The following ABL2 variants were observed in gnomAD, a reference collection of about 807,000 sequenced individuals.
ABL2 encodes tyrosine-protein kinase ABL2.
ABL2 carries 49 observed loss-of-function variants against 107.7 expected under a neutral mutation model. The ratio of observed to expected loss-of-function variants is 0.45; its 90% CI spans 0.36 to 0.58. The LOEUF is 0.58. ABL2 is among the 20% of genes least tolerant of loss of function. ABL2 has a pLI of 0.00. For synonymous variants in ABL2, 549 were observed against 548.6 expected, an observed-to-expected ratio of 1.00 and a Z score of -0.01; for missense variants, 1,245 against 1,457.0, an observed-to-expected ratio of 0.85 and a Z score of 2.37.
chr1:179,109,391 T>C lies in ABL2; in HGVS notation c.1876A>G (p.Lys626Glu). 8 of 1,614,008 alleles carry C rather than the reference T, an allele frequency of 5.0e-6. No individual in the cohort carries two copies. Among genetic ancestry groups the C allele is most frequent in the Non-Finnish European group, 5.9e-6 (7 of 1,180,002 alleles). ...ASSGSPALPR[K>E]QRDKSPSSLL... ...CTGCTGGGTGACTTGTCTCTTTGCTTTCGAGGCAGTGCTGGGGATCCACTA... is the reference window on the plus strand; with the variant it reads ...CTGCTGGGTGACTTGTCTCTTTGCTCTCGAGGCAGTGCTGGGGATCCACTA... The change falls in exon 12 of 12, where the codon AAG (lysine) becomes GAG (glutamate). Residue 626 changes from lysine to glutamate, a missense_variant. Transcript: ENST00000502732.
Position 179,218,109 on chromosome 1 carries a change from T to G in ABL2, c.157+11132A>C, listed in dbSNP as rs144968614. ...AAATGGCAATTATTTCATTACCCAATTCTTCCAGGAACTGTAGCCCAATCT... is the reference window on the plus strand; with the variant it reads ...AAATGGCAATTATTTCATTACCCAAGTCTTCCAGGAACTGTAGCCCAATCT... On this transcript the variant is annotated intron_variant, in intron 1 of 11. Coordinates refer to ENST00000502732, the MANE Select transcript of ABL2 (RefSeq NM_007314.4). Among the ~76,000 whole-genome samples the G allele has an allele frequency of 5.3e-3, 810 of 152,322 alleles. 7 individuals carry two copies. The highest frequency in any genetic ancestry group is 0.018 in the African/African-American group (767 of 41,568).
chr1:179,223,631 C>G (rs2124868923), intron 1 of ABL2, among the ~76,000 whole-genome samples: 1 of 151,910 alleles, frequency 6.6e-6, no homozygotes, highest in South Asian at 2.1e-4. Flanking sequence ...TAATAAAAAT[C>G]TAACAGCTGA....
intron 6 of ABL2, among the ~76,000 whole-genome samples, chr1:179,119,689 G>T (rs1655000170): frequency 6.6e-6 from 1 of 152,104 alleles, no homozygotes. Flanking sequence ...AAACTGAGGG[G>T]TGTGGTCACA....
rs1422152876 is a variant in ABL2, at chr1:179,107,110, C to T, written c.*608G>A. On this transcript the variant is annotated 3_prime_UTR_variant, in exon 12 of 12. Transcript: ENST00000502732. ...TTTACTTCCTGCACTAACTGATACA[C>T]CAGCGGAAAATAGGACAGAGGCATT... 3 of 231,180 alleles carry T rather than the reference C, an allele frequency of 1.3e-5. No homozygotes were observed. Among genetic ancestry groups the T allele is most frequent in the Non-Finnish European group, 2.6e-5 (3 of 116,844 alleles). The allele number at this position is 231,180 out of a possible 1,614,324, so 14.3% of individuals were successfully genotyped here.
At chr1:179,167,719 T>TA (rs1557969803) in intron 1 of ABL2, among the ~76,000 whole-genome samples, 1 of 152,152 alleles carries the variant, frequency 6.6e-6, no homozygotes, top group Non-Finnish European at 1.5e-5. Flanking sequence ...AACATTTTTT[T>TA]AAAAACAGAA....
At chr1:179,178,453 A>T (rs1396352740) in intron 1 of ABL2, among the ~76,000 whole-genome samples, 1 of 151,360 alleles carries the variant, frequency 6.6e-6, no homozygotes, top group African/African-American at 2.4e-5. Context: ...GAGTATGCAG[A>T]TTCATGCTCC....
At chr1:179,206,763 G>C (rs2102857374) in intron 1 of ABL2, among the ~76,000 whole-genome samples, 1 of 152,232 alleles carries the variant, frequency 6.6e-6, no homozygotes, top group African/African-American at 2.4e-5. Flanking sequence ...TAAATGTACT[G>C]ACCCTTCAAT....
In ABL2 at chr1:179,229,459, G is replaced by C. The variant is rs1663430553; in HGVS notation, c.-62C>G. 5 of 1,415,254 alleles carry C rather than the reference G, an allele frequency of 3.5e-6. No individual in the cohort carries two copies. The Admixed American group carries it at 1.5e-4, about 41-fold the overall frequency. 87.7% of individuals were successfully genotyped at this position (1,415,254 alleles called of 1,614,324 possible). A position where few individuals can be genotyped will look rare whatever the true frequency, so the allele number is the denominator to read the frequency against. On this transcript the variant is annotated 5_prime_UTR_variant, in exon 1 of 12. Transcript: ENST00000502732. Reference sequence around the variant, plus strand: ...CTGGTCACATTCCTCCTCGGCTCCGGCCTCGGGCTCCTGGCGCTGCTCCGG... The same window carrying C: ...CTGGTCACATTCCTCCTCGGCTCCGCCCTCGGGCTCCTGGCGCTGCTCCGG...
rs907290083 is a variant in ABL2 at position 179,229,645 on chromosome 1, C to T, written c.-248G>A. 4 of 504,232 alleles carry T rather than the reference C, an allele frequency of 7.9e-6. No homozygotes were observed. Among genetic ancestry groups the T allele is most frequent in the South Asian group, 5.7e-5 (2 of 34,838 alleles). The allele number at this position is 504,232 out of a possible 1,614,324, so 31.2% of individuals were successfully genotyped here. A position where few individuals can be genotyped will look rare whatever the true frequency, so the allele number is the denominator to read the frequency against. ...TCCGCGCCCCCAACGCCGCCGCCGC[C>T]GCCGCCGCCACCGCCGCCGCCATCT... On this transcript the variant is annotated 5_prime_UTR_variant, in exon 1 of 12. Transcript: ENST00000502732.
chr1:179,149,717 A>G (rs1340816391), intron 1 of ABL2, among the ~76,000 whole-genome samples: 1 of 152,224 alleles, frequency 6.6e-6, no homozygotes, highest in Non-Finnish European at 1.5e-5. Flanking sequence ...AAGCCTGAAT[A>G]AGAGCACATC....
At chr1:179,193,878 C>A (rs1661161175) in intron 1 of ABL2, among the ~76,000 whole-genome samples, 1 of 152,120 alleles carries the variant, frequency 6.6e-6, no homozygotes, top group African/African-American at 2.4e-5. Context: ...ACTACAGACG[C>A]CCGCCACCAT....
chr1:179,185,013 G>A (rs1323137036), intron 1 of ABL2, among the ~76,000 whole-genome samples: 2 of 152,110 alleles, frequency 1.3e-5, no homozygotes, highest in Non-Finnish European at 2.9e-5. Context: ...GAAGCTGGAG[G>A]GTGCTAGGCC....
chr1:179,160,265 A>G (rs570008422), intron 1 of ABL2, among the ~76,000 whole-genome samples: 2 of 152,070 alleles, frequency 1.3e-5, no homozygotes, highest in Non-Finnish European at 2.9e-5. Context: ...TGCAATCCCA[A>G]TTATTCACGA....
chr1:179,218,219 A>T (rs144802436), intron 1 of ABL2, among the ~76,000 whole-genome samples: 8 of 152,300 alleles, frequency 5.3e-5, no homozygotes, highest in Admixed American at 5.2e-4. Flanking sequence ...GTCTCTCAAG[A>T]GACCTCTAAT....
chr1:179,179,937 C>G (rs1423880520), intron 1 of ABL2, among the ~76,000 whole-genome samples: 3 of 145,128 alleles, frequency 2.1e-5, no homozygotes, highest in African/African-American at 7.8e-5. Context: ...CCTGTCTCTA[C>G]TAAAAATACA....
intron 3 of ABL2, among the ~76,000 whole-genome samples, chr1:179,128,459 A>AT (rs1655959709): frequency 6.6e-6 from 1 of 152,146 alleles, no homozygotes; most frequent in African/African-American, 2.4e-5. Context: ...ATATATCTAT[A>AT]TATACATTTT....
chr1:179,201,530 C>A, intron 1 of ABL2: 1 of 317,886 alleles, frequency 3.1e-6, no homozygotes, highest in Non-Finnish European at 6.0e-6. Flanking sequence ...CAGTGCCCCT[C>A]TCAGGAAAGT....
chr1:179,125,664 C>T (rs1444705407), intron 4 of ABL2, among the ~76,000 whole-genome samples: 2 of 152,104 alleles, frequency 1.3e-5, no homozygotes, highest in Non-Finnish European at 2.9e-5. Context: ...TACAACAACC[C>T]AATAAAGTGG....
intron 1 of ABL2, among the ~76,000 whole-genome samples, chr1:179,210,283 A>C (rs1451412028): frequency 6.6e-6 from 1 of 151,922 alleles, no homozygotes; most frequent in South Asian, 2.1e-4. Flanking sequence ...AAGTGGGCGG[A>C]TCACCTGAGG....
Sources: gnomAD v4.1 joint callset for allele counts (sites outside exome capture counted in the v4.1 genomes callset) on GRCh38, gnomAD v4.1.1 for gene constraint, MANE v1.5 for transcripts, NCBI Gene and HGNC (gene_info 2026-07-23, HGNC 2026-07-21) for gene names.